The following GRHL1 variants were observed in gnomAD, a reference collection of about 807,000 sequenced individuals.
GRHL1 encodes grainyhead like transcription factor 1.
Under a neutral mutation model 75.7 loss-of-function variants are expected in GRHL1, and 38 were observed. The ratio of observed to expected loss-of-function variants is 0.50; its 90% CI spans 0.39 to 0.66. The LOEUF (loss-of-function observed/expected upper bound fraction) is 0.66, where lower values mean the gene tolerates loss of function less well. GRHL1 is among the 30% of genes least tolerant of loss of function. The probability of loss-of-function intolerance (pLI) is 0.00; values close to 1 mark genes in which losing one functional copy is unlikely to be tolerated. For missense variants in GRHL1, 589 were observed against 767.5 expected, an observed-to-expected ratio of 0.77 and a Z score of 2.75; for synonymous variants, 266 against 279.4, an observed-to-expected ratio of 0.95 and a Z score of 0.48.
In GRHL1 at chr2:9,993,223, C is replaced by T; in HGVS notation, c.1478C>T (p.Ser493Phe). ...TGGTCTTAGGTCCTTCCCATTGCCTCTGAAGAATTGGAGGGTGAAGGGTAA... is the reference window on the plus strand; with the variant it reads ...TGGTCTTAGGTCCTTCCCATTGCCTTTGAAGAATTGGAGGGTGAAGGGTAA... Reference protein sequence around the residue: ...QRGTHVLPIASEELEGEGSVL... With the variant: ...QRGTHVLPIAFEELEGEGSVL... Residue 493 changes from serine (S) to phenylalanine (F), a missense_variant, in exon 12 of 16, where the codon TCT becomes TTT. Physicochemically the swap from Ser to Phe is radical, Grantham distance 155. Coordinates refer to ENST00000324907, the MANE Select transcript of GRHL1 (RefSeq NM_198182.3). 2 of 1,611,002 alleles carry T rather than the reference C, an allele frequency of 1.2e-6. No homozygotes were observed. The highest frequency in any genetic ancestry group is 1.7e-6 in the Non-Finnish European group (2 of 1,177,170).
rs907494547 is a variant in GRHL1 at position 9,955,000 on chromosome 2, T to C, written c.106T>C (p.Phe36Leu). Reference sequence around the variant, plus strand: ...TAGTGAGGATGAGGCCTGGAAATCCTTCCTGGAAAACCCTCTCACTGCAGC... The same window carrying C: ...TAGTGAGGATGAGGCCTGGAAATCCCTCCTGGAAAACCCTCTCACTGCAGC... ...YTSEDEAWKS[F>L]LENPLTAATK... The change falls in exon 2 of 16, where the codon TTC becomes CTC. Residue 36 changes from phenylalanine (F) to leucine (L), a missense_variant. Transcript: ENST00000324907. 1 of 1,613,670 alleles carries C rather than the reference T, an allele frequency of 6.2e-7. No individual in the cohort carries two copies. Among genetic ancestry groups the C allele is most frequent in the Non-Finnish European group, 8.5e-7 (1 of 1,179,560 alleles).
At chr2:9,972,342 A>G (rs1261315207) in intron 8 of GRHL1, among the ~76,000 whole-genome samples, 1 of 151,702 alleles carries the variant, frequency 6.6e-6, no homozygotes, top group Non-Finnish European at 1.5e-5. Flanking sequence ...TGTCGGTGGT[A>G]GCTTTCTCAA....
At chr2:9,974,792 G>T (rs1667879866) in intron 8 of GRHL1, among the ~76,000 whole-genome samples, 1 of 152,202 alleles carries the variant, frequency 6.6e-6, no homozygotes, top group Non-Finnish European at 1.5e-5. Flanking sequence ...TTCATTGAGC[G>T]AATTGTTCGT....
chr2:9,996,115 G>C (rs1668851771), intron 13 of GRHL1, 145 bp downstream of exon 13: 1 of 722,056 alleles, frequency 1.4e-6, no homozygotes, highest in Middle Eastern at 2.4e-4. Flanking sequence ...GCTTGAGCTA[G>C]GACTTAGAGC....
chr2:9,960,282 T>C (rs1667217748), intron 3 of GRHL1: 1 of 151,672 alleles, frequency 6.6e-6, no homozygotes, highest in South Asian at 2.1e-4. Flanking sequence ...CTACTAAAAA[T>C]ACAAAAATTA....
chr2:9,952,457 A>G (rs1666832130), intron 1 of GRHL1, among the ~76,000 whole-genome samples: 1 of 152,222 alleles, frequency 6.6e-6, no homozygotes, highest in African/African-American at 2.4e-5. Context: ...CACTTGCATC[A>G]TTGATGGTAA....
chr2:9,952,999 C>A, intron 1 of GRHL1: 1 of 456,728 alleles, frequency 2.2e-6, no homozygotes, highest in Non-Finnish European at 4.4e-6. Context: ...TGATGATGAG[C>A]CTTCGGCGAC....
chr2:9,963,824 T>C (rs947679516), intron 5 of GRHL1, 62 bp from the exon 6 acceptor site: 19 of 1,111,726 alleles, frequency 1.7e-5, no homozygotes, highest in African/African-American at 6.3e-5. Flanking sequence ...ATTTATAATA[T>C]GATGTATAGC....
Position 9,962,547 on chromosome 2 carries a change from T to G in GRHL1, c.746+16T>G. 7.5e-7 allele frequency: 1 copy of G among 1,324,852 alleles called. No homozygotes were observed. Among genetic ancestry groups the G allele is most frequent in the Non-Finnish European group, 1.1e-6 (1 of 916,426 alleles). 82.1% of individuals were successfully genotyped at this position (1,324,852 alleles called of 1,614,324 possible). ...GTGTTTCTGGGTAATAGATGTCTTT[T>G]AATTTGATTTTTAATTTGCAGCTTT... On this transcript the variant is annotated intron_variant, in intron 5 of 15. Coordinates refer to ENST00000324907, the MANE Select transcript of GRHL1 (RefSeq NM_198182.3).
At chr2:9,954,886 T>G (rs1409758596) in intron 1 of GRHL1, 29 bp from the exon 2 acceptor site, 1 of 1,579,274 alleles carries the variant, frequency 6.3e-7, no homozygotes, top group Non-Finnish European at 8.7e-7. Flanking sequence ...AAAGTGTGTG[T>G]TTTTGTTTTT....
In GRHL1 at chr2:10,000,532, T is replaced by A. The variant is rs1364259544; in HGVS notation, c.1743-61T>A. On this transcript the variant is annotated intron_variant, in intron 15 of 15. Transcript: ENST00000324907. ...AAGTGGGAGAGCTAACAGGTCAATC[T>A]AGGTCTGACTCCAGGACCAAGTGGC... 7.7e-6 allele frequency: 7 copies of A among 903,262 alleles called. No individual in the cohort carries two copies. The Admixed American group carries it at 1.2e-4, about 16-fold the overall frequency. The allele number at this position is 903,262 out of a possible 1,614,324, so 56.0% of individuals were successfully genotyped here. A position where few individuals can be genotyped will look rare whatever the true frequency, so the allele number is the denominator to read the frequency against.
chr2:9,958,033 G>T (rs1011313120), intron 2 of GRHL1, among the ~76,000 whole-genome samples: 2 of 152,202 alleles, frequency 1.3e-5, no homozygotes, highest in Non-Finnish European at 2.9e-5. Flanking sequence ...TGTTCCTTCT[G>T]CTTTTGCATT....
In GRHL1 at chr2:9,990,875, G is replaced by C. The variant is rs1668607909; in HGVS notation, c.1321+128G>C. 1.5e-6 allele frequency: 1 copy of C among 681,156 alleles called. No homozygotes were observed. Among genetic ancestry groups the C allele is most frequent in the African/African-American group, 1.8e-5 (1 of 55,738 alleles). The allele number at this position is 681,156 out of a possible 1,614,324, so 42.2% of individuals were successfully genotyped here. ...GCAGAAGACAGTGGGTGTTCTTCCTGTTCTGCAGTGTGGCACTGCCTCTTC... is the reference window on the plus strand; with the variant it reads ...GCAGAAGACAGTGGGTGTTCTTCCTCTTCTGCAGTGTGGCACTGCCTCTTC... On this transcript the variant is annotated intron_variant, in intron 10 of 15. Coordinates refer to ENST00000324907, the MANE Select transcript of GRHL1 (RefSeq NM_198182.3). This position sits in a 1 kb window ranked among gnomAD's most constrained non-coding sequence, Gnocchi z 4.2.
At chr2:9,962,246 G>A (rs1667309633) in intron 4 of GRHL1, among the ~76,000 whole-genome samples, 1 of 152,126 alleles carries the variant, frequency 6.6e-6, no homozygotes. Context: ...ACAGCTTGTT[G>A]TAATTTACTT....
At position 9,998,796 on chromosome 2, in the gene GRHL1, A is replaced by G. The variant is rs1203937164; in HGVS notation, c.1678-169A>G. Reference sequence around the variant, plus strand: ...CACATATATACGTATATATATGTACACACATATATATACGTATATATATGT... The same window carrying G: ...CACATATATACGTATATATATGTACGCACATATATATACGTATATATATGT... On this transcript the variant is annotated intron_variant, in intron 14 of 15. Coordinates refer to ENST00000324907, the MANE Select transcript of GRHL1 (RefSeq NM_198182.3). 6.0e-4 allele frequency among the ~76,000 whole-genome samples: 21 copies of G among 35,224 alleles called. 6 individuals carry two copies. The highest frequency in any genetic ancestry group is 1.6e-3 in the Admixed American group (5 of 3,134). 23.1% of individuals were successfully genotyped at this position (35,224 alleles called of 152,430 possible).
rs374854604 is a variant in GRHL1, at chr2:9,951,794, A to G, written c.-40A>G. On this transcript the variant is annotated 5_prime_UTR_variant, in exon 1 of 16. Transcript: ENST00000324907. This position sits in a 1 kb window ranked among gnomAD's most constrained non-coding sequence, Gnocchi z 4.2. ...GGATCGGGTGTACTGTCCCAACCCG[A>G]AAGTCCAGTTCTGCGGCCCGGCAGC... is the stretch of plus-strand genomic sequence containing the variant. 5 of 1,521,512 alleles carry G rather than the reference A, an allele frequency of 3.3e-6. No homozygotes were observed. Among genetic ancestry groups the G allele is most frequent in the Non-Finnish European group, 4.4e-6 (5 of 1,132,814 alleles). The allele number at this position is 1,521,512 out of a possible 1,614,324, so 94.3% of individuals were successfully genotyped here. A position where few individuals can be genotyped will look rare whatever the true frequency, so the allele number is the denominator to read the frequency against.
chr2:9,957,971 A>T (rs1358180234), intron 2 of GRHL1, among the ~76,000 whole-genome samples: 1 of 152,166 alleles, frequency 6.6e-6, no homozygotes, highest in African/African-American at 2.4e-5. Flanking sequence ...AAAGACAGTG[A>T]TCATATGAAG....
rs779642667 is a variant in GRHL1 at position 9,965,336 on chromosome 2, G to A, written c.1065G>A (p.Ala355=). The A allele has an allele frequency of 1.1e-5, 17 of 1,612,236 alleles. No individual in the cohort carries two copies. In the South Asian group the frequency reaches 1.3e-4, roughly 12 times the overall value. The change falls in exon 8 of 16, where the codon GCG becomes GCA. Residue 355 remains alanine (A), a synonymous_variant. Transcript: ENST00000324907. The stretch of plus-strand genomic sequence containing the variant: ...CTATCAGTAACATCGAGGAGATTGC[G>A]TATAACGCCATTTCCTTCACATGGG... ...FNTISNIEEI[A]YNAISFTWDI... is the part of the protein sequence containing the mutation.
At position 9,965,363 on chromosome 2, in the gene GRHL1, C is replaced by G; in HGVS notation, c.1092C>G (p.Asp364Glu). 6.2e-7 allele frequency: 1 copy of G among 1,605,326 alleles called. No individual in the cohort carries two copies. Among genetic ancestry groups the G allele is most frequent in the Non-Finnish European group, 8.5e-7 (1 of 1,172,020 alleles). The change falls in exon 8 of 16, where the codon GAC (aspartate) becomes GAG (glutamate). Residue 364 changes from aspartate (D) to glutamate (E), a missense_variant. This residue lies in a region of GRHL1 where 362 missense variants were observed against 461.8 expected (regional missense o/e 0.78). Coordinates refer to ENST00000324907, the MANE Select transcript of GRHL1 (RefSeq NM_198182.3). ...IAYNAISFTW[D>E]INDEAKVFIS... is the part of the protein sequence containing the mutation. ...ATAACGCCATTTCCTTCACATGGGA[C>G]ATCAACGATGAAGCAAAGGTGGGTG...
Sources: gnomAD v4.1 joint callset for allele counts (sites outside exome capture counted in the v4.1 genomes callset) on GRCh38, gnomAD v4.1.1 for gene constraint, gnomAD v4.1.1 regional missense constraint, Gnocchi (gnomAD v3.1) non-coding constraint, MANE v1.5 for transcripts, NCBI Gene and HGNC (gene_info 2026-07-23, HGNC 2026-07-21) for gene names.